Variants in HIVEP3 observed in about 807,000 individuals in gnomAD.
The protein encoded by HIVEP3 is transcription factor HIVEP3.
Under a neutral mutation model 152.8 loss-of-function variants are expected in HIVEP3, and 49 were observed. That is an observed-to-expected ratio of 0.32 (90% confidence interval 0.26 to 0.41). HIVEP3 has a LOEUF of 0.41. Among genes scored for constraint, HIVEP3 ranks in the 10% least tolerant of loss-of-function variants. The pLI, the probability that HIVEP3 is intolerant of heterozygous loss-of-function variation, is 1.00. For missense variants in HIVEP3, 2,790 were observed against 3,103.3 expected (o/e 0.90, Z 2.40); for synonymous variants, 1,269 against 1,289.0 (o/e 0.98, Z 0.33).
chr1:41,972,273 A>G (rs190543154), intron 1 of HIVEP3, among the ~76,000 whole-genome samples: 2 of 152,286 alleles, frequency 1.3e-5, no homozygotes, highest in Non-Finnish European at 2.9e-5. Flanking sequence ...ACCCAGTAAC[A>G]AGATCCATGT....
chr1:41,911,103 G>T (rs371199870), intron 1 of HIVEP3, among the ~76,000 whole-genome samples: 1 of 151,988 alleles, frequency 6.6e-6, no homozygotes, highest in African/African-American at 2.4e-5. Flanking sequence ...AGGTATTTTG[G>T]CAACACAGAG....
intron 1 of HIVEP3, among the ~76,000 whole-genome samples, chr1:41,799,757 C>T (rs947265704): frequency 2.6e-5 from 4 of 152,148 alleles, no homozygotes; most frequent in Non-Finnish European, 4.4e-5. Flanking sequence ...TTTTAAAACA[C>T]TTTTAGTCCA....
chr1:41,992,131 G>A (rs1319269634), intron 1 of HIVEP3, among the ~76,000 whole-genome samples: 12 of 141,694 alleles, frequency 8.5e-5, no homozygotes, highest in African/African-American at 3.2e-4. Flanking sequence ...TCAACATAGT[G>A]TTGGAAGTTC....
At chr1:41,958,214 G>A (rs569152981) in intron 1 of HIVEP3, among the ~76,000 whole-genome samples, 5 of 152,354 alleles carry the variant, frequency 3.3e-5, no homozygotes, top group Admixed American at 3.3e-4. Flanking sequence ...CACGTGACCA[G>A]GCACATCTCA....
intron 1 of HIVEP3, among the ~76,000 whole-genome samples, chr1:41,728,014 G>C (rs982917925): frequency 1.3e-5 from 2 of 152,202 alleles, no homozygotes; most frequent in African/African-American, 4.8e-5. Context: ...GGAACAGACA[G>C]GGAGAGTATC....
At chr1:41,635,577 TATATACATAC>T (rs1349894710) in intron 2 of HIVEP3, among the ~76,000 whole-genome samples, 1 of 35,470 alleles carries the variant, frequency 2.8e-5, no homozygotes, top group Non-Finnish European at 4.8e-5. Context: ...TACGTATGTA[TATATACATAC>T]ATATACATAC....
chr1:41,637,092 A>G (rs1645286831), intron 2 of HIVEP3, among the ~76,000 whole-genome samples: 1 of 152,212 alleles, frequency 6.6e-6, no homozygotes, highest in Non-Finnish European at 1.5e-5. Flanking sequence ...GTAGGTATAG[A>G]TGAGGAGAAT....
At chr1:41,805,960 C>T (rs1650582610) in intron 1 of HIVEP3, among the ~76,000 whole-genome samples, 2 of 152,178 alleles carry the variant, frequency 1.3e-5, no homozygotes, top group South Asian at 2.1e-4. Flanking sequence ...GCCTGATTCC[C>T]CCCACTCCCT....
At chr1:41,635,583 CATACATATACATACGT>C in intron 2 of HIVEP3, among the ~76,000 whole-genome samples, 1 of 28,142 alleles carries the variant, frequency 3.6e-5, no homozygotes, top group Non-Finnish European at 5.7e-5. Flanking sequence ...TGTATATATA[CATACATATACATACGT>C]ATGTATATAT....
chr1:41,883,654 C>T (rs1171232385), intron 1 of HIVEP3, among the ~76,000 whole-genome samples: 1 of 152,214 alleles, frequency 6.6e-6, no homozygotes, highest in Non-Finnish European at 1.5e-5. Context: ...GAGCCTGCCC[C>T]CTCAATGCCT....
chr1:41,680,704 G>A (rs1232954986), intron 2 of HIVEP3, among the ~76,000 whole-genome samples: 1 of 152,248 alleles, frequency 6.6e-6, no homozygotes, highest in Non-Finnish European at 1.5e-5. Context: ...TTTCAGTGAA[G>A]CCAGATGAAG....
chr1:41,874,964 C>T (rs1218255975), intron 1 of HIVEP3, among the ~76,000 whole-genome samples: 1 of 152,216 alleles, frequency 6.6e-6, no homozygotes, highest in Admixed American at 6.5e-5. Context: ...ATCTGCCTTC[C>T]GCCCTCGCCA....
At chr1:41,716,526 C>T (rs546559693) in intron 1 of HIVEP3, among the ~76,000 whole-genome samples, 2 of 152,166 alleles carry the variant, frequency 1.3e-5, no homozygotes, top group Non-Finnish European at 2.9e-5. Context: ...AGCTGGGGGG[C>T]CCCGATGAGG....
At chr1:41,961,271 ACT>A (rs1407833110) in intron 1 of HIVEP3, among the ~76,000 whole-genome samples, 1 of 152,144 alleles carries the variant, frequency 6.6e-6, no homozygotes, top group African/African-American at 2.4e-5. Context: ...TGCATGAGAG[ACT>A]CTGAGCCAGA....
intron 1 of HIVEP3, among the ~76,000 whole-genome samples, chr1:41,800,965 C>T (rs1650268275): frequency 6.6e-6 from 1 of 152,194 alleles, no homozygotes; most frequent in African/African-American, 2.4e-5. Flanking sequence ...TGGCCCTGAA[C>T]CATGACTGTG....
intron 5 of HIVEP3, among the ~76,000 whole-genome samples, chr1:41,536,039 C>T (rs1464186472): frequency 2.6e-5 from 4 of 152,076 alleles, no homozygotes; most frequent in Non-Finnish European, 5.9e-5. Flanking sequence ...CGGCACAGAG[C>T]CCCCAAAGGA....
intron 1 of HIVEP3, among the ~76,000 whole-genome samples, chr1:41,883,355 G>C (rs1002349708): frequency 2.0e-5 from 3 of 152,118 alleles, no homozygotes; most frequent in African/African-American, 7.2e-5. Context: ...AGTGCTGTGA[G>C]CTAGATTGCC....
chr1:41,800,404 C>T (rs1049418409), intron 1 of HIVEP3, among the ~76,000 whole-genome samples: 2 of 152,182 alleles, frequency 1.3e-5, no homozygotes, highest in Non-Finnish European at 1.5e-5. Flanking sequence ...GGGTCTGGCC[C>T]ACTGGAGGAC....
At chr1:41,708,829 AC>A (rs1207960491) in intron 1 of HIVEP3, among the ~76,000 whole-genome samples, 2 of 152,178 alleles carry the variant, frequency 1.3e-5, no homozygotes, top group Non-Finnish European at 2.9e-5. Context: ...ACTAGAAGCA[AC>A]CTAGTAGCCA....
Sources: gnomAD v4.1 joint callset for allele counts (sites outside exome capture counted in the v4.1 genomes callset) on GRCh38, gnomAD v4.1.1 for gene constraint, MANE v1.5 for transcripts, NCBI Gene and HGNC (gene_info 2026-07-23, HGNC 2026-07-21) for gene names.